The following EPHX1 variants were observed in gnomAD, a reference collection of about 807,000 sequenced individuals.
EPHX1 encodes epoxide hydratase.
A neutral mutation model predicts 43.2 loss-of-function variants in EPHX1; 40 were observed. The observed-to-expected ratio is 0.93, with a 90% CI of 0.72 to 1.21. The LOEUF is 1.21. Ranked by LOEUF, EPHX1 falls within the 50% of genes most tolerant of loss-of-function variation. The pLI is 0.00. For synonymous variants in EPHX1, 221 were observed against 226.7 expected (o/e 0.98, Z 0.22); for missense variants, 550 against 570.4 (o/e 0.96, Z 0.36).
chr1:225,831,084 A>G (rs1247762566), intron 2 of EPHX1, among the ~76,000 whole-genome samples: 1 of 151,474 alleles, frequency 6.6e-6, no homozygotes, highest in African/African-American at 2.4e-5. Context: ...AGCCACCCCC[A>G]TTCATCTGTG....
rs777692998 is a variant in EPHX1, at chr1:225,842,474, G to A, written c.1040G>A (p.Arg347Lys). 2 of 1,608,374 alleles carry A rather than the reference G, an allele frequency of 1.2e-6. No individual in the cohort carries two copies. The highest frequency in any genetic ancestry group is 1.7e-6 in the Non-Finnish European group (2 of 1,174,676). The change falls in exon 7 of 9, where the codon AGG becomes AAG. Residue 347 changes from arginine (R) to lysine (K), a missense_variant and splice_region_variant. Coordinates refer to ENST00000272167, the MANE Select transcript of EPHX1 (RefSeq NM_001136018.4). ...FRYLEDGGLERKFSLDDLLTN... is the reference protein window; with the variant it reads ...FRYLEDGGLEKKFSLDDLLTN... ...TACCTGGAGGATGGAGGCCTGGAAA[G>A]GTGAGGCCCTGGTTTGCCCCTGCAG...
chr1:225,819,835 ACTTAG>A (rs955653441), intron 1 of EPHX1, among the ~76,000 whole-genome samples: 5 of 152,154 alleles, frequency 3.3e-5, no homozygotes, highest in African/African-American at 1.2e-4. Flanking sequence ...ACTCTGTCAT[ACTTAG>A]CTGCCAGGGG....
intron 3 of EPHX1, among the ~76,000 whole-genome samples, chr1:225,833,440 G>A (rs1359001220): frequency 6.6e-6 from 1 of 151,368 alleles, no homozygotes; most frequent in Admixed American, 6.6e-5. Flanking sequence ...GGAATTCAAG[G>A]CTGCAGTGAG....
intron 1 of EPHX1, among the ~76,000 whole-genome samples, chr1:225,827,625 G>A (rs575522969): frequency 1.3e-5 from 2 of 152,310 alleles, no homozygotes; most frequent in South Asian, 4.1e-4. Context: ...ATTAGAGGCT[G>A]CTTAGGACCT....
intron 1 of EPHX1, among the ~76,000 whole-genome samples, chr1:225,828,154 GC>G (rs1486795193): frequency 2.0e-5 from 3 of 152,144 alleles, no homozygotes; most frequent in African/African-American, 7.2e-5. Context: ...GACCATCCTG[GC>G]TAACATGGTG....
chr1:225,829,170 C>T (rs1667434874), intron 2 of EPHX1, among the ~76,000 whole-genome samples: 1 of 152,154 alleles, frequency 6.6e-6, no homozygotes, highest in Admixed American at 6.5e-5. Context: ...GATGGGGTAA[C>T]CTGTATCAAA....
chr1:225,822,460 G>A (rs1667019281), intron 1 of EPHX1, among the ~76,000 whole-genome samples: 1 of 152,134 alleles, frequency 6.6e-6, no homozygotes, highest in Admixed American at 6.6e-5. Context: ...TATATCTCTG[G>A]AACTTTTGAG....
chr1:225,823,204 T>G (rs1398841719), intron 1 of EPHX1, among the ~76,000 whole-genome samples: 1 of 151,414 alleles, frequency 6.6e-6, no homozygotes, highest in Non-Finnish European at 1.5e-5. Flanking sequence ...TTATTACTTT[T>G]TTTTTTTTTT....
At chr1:225,818,146 T>C (rs747761171) in intron 1 of EPHX1, among the ~76,000 whole-genome samples, 1 of 152,230 alleles carries the variant, frequency 6.6e-6, no homozygotes, top group Non-Finnish European at 1.5e-5. Flanking sequence ...CCAACTAGGC[T>C]AAGTAGGTTA....
At chr1:225,822,873 T>C (rs1231449064) in intron 1 of EPHX1, among the ~76,000 whole-genome samples, 1 of 152,168 alleles carries the variant, frequency 6.6e-6, no homozygotes, top group African/African-American at 2.4e-5. Context: ...CCACGGTGCC[T>C]GACGCCATGC....
chr1:225,836,262 G>A (rs1333051607), intron 3 of EPHX1, among the ~76,000 whole-genome samples: 2 of 152,118 alleles, frequency 1.3e-5, no homozygotes, highest in African/African-American at 2.4e-5. Flanking sequence ...CTCATATTTT[G>A]TTGTGTGTAG....
Position 225,838,876 on chromosome 1 carries a change from A to G in EPHX1, c.587A>G (p.Lys196Arg). ...PGYGFSEASSKKGFNSVATAR... is the reference protein window; with the variant it reads ...PGYGFSEASSRKGFNSVATAR... ...TATGGCTTCTCAGAGGCATCCTCCA[A>G]GAAGGGTACGGGGCTGCTAGAGGTT... The change falls in exon 4 of 9, where the codon AAG (lysine) becomes AGG (arginine). Residue 196 changes from lysine to arginine, a missense_variant. Transcript: ENST00000272167. 6.2e-7 allele frequency: 1 copy of G among 1,614,144 alleles called. No homozygotes were observed. The highest frequency in any genetic ancestry group is 8.5e-7 in the Non-Finnish European group (1 of 1,179,982).
chr1:225,832,769 T>C (rs1379291984), intron 3 of EPHX1, among the ~76,000 whole-genome samples: 2 of 152,212 alleles, frequency 1.3e-5, no homozygotes, highest in East Asian at 1.9e-4. Context: ...TGGTATCACA[T>C]TGTGGTTTTG....
chr1:225,829,031 T>A, intron 2 of EPHX1, 119 bp downstream of exon 2: 1 of 1,222,816 alleles, frequency 8.2e-7, no homozygotes, highest in Non-Finnish European at 1.2e-6. Context: ...TCCATCCTAC[T>A]TGGGAGTGTG....
chr1:225,835,851 A>G (rs961367018), intron 3 of EPHX1, among the ~76,000 whole-genome samples: 1 of 152,082 alleles, frequency 6.6e-6, no homozygotes, highest in Non-Finnish European at 1.5e-5. Flanking sequence ...CCCAGCTGAC[A>G]TTGGGCATTT....
intron 1 of EPHX1, among the ~76,000 whole-genome samples, chr1:225,815,013 C>T (rs77235222): frequency 1.5e-3 from 222 of 152,344 alleles, no homozygotes; most frequent in Middle Eastern, 3.4e-3. Context: ...TACTTTCCCA[C>T]GTTCCAGTTT....
intron 1 of EPHX1, among the ~76,000 whole-genome samples, chr1:225,814,922 A>C (rs890421936): frequency 6.6e-6 from 1 of 152,376 alleles, no homozygotes; most frequent in Middle Eastern, 3.4e-3. Context: ...CCAAGCCCCA[A>C]GGCCATCTTT....
chr1:225,813,014 C>A (rs1388219574), intron 1 of EPHX1, among the ~76,000 whole-genome samples: 1 of 152,208 alleles, frequency 6.6e-6, no homozygotes, highest in Non-Finnish European at 1.5e-5. Flanking sequence ...ATTAATGTGT[C>A]CCCTCTCTGG....
chr1:225,813,131 G>A (rs575198009), intron 1 of EPHX1, among the ~76,000 whole-genome samples: 1 of 152,352 alleles, frequency 6.6e-6, no homozygotes, highest in South Asian at 2.1e-4. Flanking sequence ...GGAAAGGAAT[G>A]TGTAGGAGGG....
Sources: gnomAD v4.1 joint callset for allele counts (sites outside exome capture counted in the v4.1 genomes callset) on GRCh38, gnomAD v4.1.1 for gene constraint, MANE v1.5 for transcripts, NCBI Gene and HGNC (gene_info 2026-07-23, HGNC 2026-07-21) for gene names.